The following LIN28B variants were observed in gnomAD, a reference collection of about 807,000 sequenced individuals.
LIN28B encodes lin-28 RNA binding posttranscriptional regulator B, also known as protein lin-28 homolog B.
Under a neutral mutation model 21.9 loss-of-function variants are expected in LIN28B, and 5 were observed. The observed-to-expected ratio is 0.23, with a 90% CI of 0.12 to 0.48. The LOEUF is 0.48. Among genes scored for constraint, LIN28B ranks in the 20% least tolerant of loss-of-function variants. The pLI is 0.98. For synonymous variants in LIN28B, 109 were observed against 111.3 expected (o/e 0.98, Z 0.13); for missense variants, 245 against 310.5 (o/e 0.79, Z 1.58).
At chr6:104,953,060 G>A (rs1778238846), upstream of LIN28B, among the ~76,000 whole-genome samples, 1 of 152,262 alleles carries the variant, frequency 6.6e-6, no homozygotes, top group African/African-American at 2.4e-5. Flanking sequence ...TTACCGCCAA[G>A]TGGTTTACCA....
chr6:105,024,068 A>G (rs1391069880), intron 2 of LIN28B, among the ~76,000 whole-genome samples: 1 of 152,026 alleles, frequency 6.6e-6, no homozygotes, highest in Non-Finnish European at 1.5e-5. Context: ...CGCTCACTGC[A>G]ACCTCCGCCT....
At chr6:104,960,561 T>TA (rs2114570824) in intron 2 of LIN28B, among the ~76,000 whole-genome samples, 1 of 152,214 alleles carries the variant, frequency 6.6e-6, no homozygotes, top group Non-Finnish European at 1.5e-5. Flanking sequence ...ATTTTTAAAA[T>TA]ATATGACATA....
chr6:105,015,933 G>A (rs529601304), intron 2 of LIN28B, among the ~76,000 whole-genome samples: 1 of 152,250 alleles, frequency 6.6e-6, no homozygotes, highest in South Asian at 2.1e-4. Flanking sequence ...TAGGCTTATA[G>A]TATACATCCT....
At chr6:105,038,569 A>G (rs1771570653) in intron 3 of LIN28B, among the ~76,000 whole-genome samples, 2 of 152,202 alleles carry the variant, frequency 1.3e-5, no homozygotes, top group South Asian at 4.1e-4. Context: ...CAAATCTTGT[A>G]CAAGTTTCTC....
rs902892713 is a variant in LIN28B at position 105,000,869 on chromosome 6, C to G, written c.199-25429C>G. 3.9e-5 allele frequency among the ~76,000 whole-genome samples: 6 copies of G among 152,150 alleles called. No individual in the cohort carries two copies. In the South Asian group the frequency reaches 1.2e-3, roughly 31 times the overall value. On this transcript the variant is annotated intron_variant, in intron 2 of 3. Coordinates refer to ENST00000345080, the MANE Select transcript of LIN28B (RefSeq NM_001004317.4). ...TATGACCAAGGTCACACTACTGATTCAAACTACCTTAGATGTTACTTTTGT... is the reference window on the plus strand; with the variant it reads ...TATGACCAAGGTCACACTACTGATTGAAACTACCTTAGATGTTACTTTTGT...
chr6:105,065,997 C>T (rs532312385), intron 3 of LIN28B, among the ~76,000 whole-genome samples: 1 of 152,242 alleles, frequency 6.6e-6, no homozygotes, highest in African/African-American at 2.4e-5. Flanking sequence ...CATAGTGAGA[C>T]CTCGTCTCCA....
At chr6:105,025,879 C>G (rs1365094817) in intron 2 of LIN28B, among the ~76,000 whole-genome samples, 1 of 151,648 alleles carries the variant, frequency 6.6e-6, no homozygotes, top group Non-Finnish European at 1.5e-5. Context: ...AATAAAACTT[C>G]TCTTAATGGC....
At position 105,026,300 on chromosome 6, in the gene LIN28B, C is replaced by A. The variant is rs759920340; in HGVS notation, c.201C>A (p.Ser67Arg). ...CCACCCTCTTCTGCTCTTTACAGAG[C>A]AAACTATTCATGGAAGGATTTAGAA... ...DIPVDVFVHQ[S>R]KLFMEGFRSL... The change falls in exon 3 of 4, where the codon AGC becomes AGA. Residue 67 changes from serine to arginine, a missense_variant and splice_region_variant. By Grantham distance (110) the Ser-to-Arg change is moderately radical. Coordinates refer to ENST00000345080, the MANE Select transcript of LIN28B (RefSeq NM_001004317.4). 2.5e-6 allele frequency: 4 copies of A among 1,587,020 alleles called. No individual in the cohort carries two copies. The highest frequency in any genetic ancestry group is 1.2e-5 in the South Asian group (1 of 85,992).
intron 2 of LIN28B, among the ~76,000 whole-genome samples, chr6:104,994,654 A>G (rs902666585): frequency 2.6e-5 from 4 of 152,194 alleles, no homozygotes; most frequent in Non-Finnish European, 4.4e-5. Flanking sequence ...GCCTTGTAAG[A>G]GAAGGGTCTT....
At chr6:104,986,788 C>G (rs999024256) in intron 2 of LIN28B, among the ~76,000 whole-genome samples, 1 of 152,136 alleles carries the variant, frequency 6.6e-6, no homozygotes, top group Non-Finnish European at 1.5e-5. Flanking sequence ...TTGTTGCAAT[C>G]CAAAACCAGT....
At chr6:105,005,114 C>T (rs1269369582) in intron 2 of LIN28B, among the ~76,000 whole-genome samples, 2 of 152,278 alleles carry the variant, frequency 1.3e-5, no homozygotes, top group South Asian at 2.1e-4. Flanking sequence ...TATGGAAATA[C>T]TTTTCCCTCC....
At chr6:105,037,082 A>G (rs1427409419) in intron 3 of LIN28B, among the ~76,000 whole-genome samples, 4 of 152,240 alleles carry the variant, frequency 2.6e-5, no homozygotes, top group Non-Finnish European at 4.4e-5. Context: ...CATGATTTAT[A>G]TCTGCTAACT....
intron 2 of LIN28B, among the ~76,000 whole-genome samples, chr6:104,986,876 A>G (rs527764016): frequency 1.1e-4 from 17 of 152,332 alleles, no homozygotes; most frequent in Middle Eastern, 3.4e-3. Flanking sequence ...CAACTCACCA[A>G]TCCGAGCTTG....
intron 3 of LIN28B, among the ~76,000 whole-genome samples, chr6:105,031,770 C>T (rs527361809): frequency 3.3e-5 from 5 of 152,134 alleles, no homozygotes; most frequent in East Asian, 3.9e-4. Flanking sequence ...CTCCTGACCT[C>T]GTGATCCGCC....
At chr6:105,043,423 C>G (rs1266022215) in intron 3 of LIN28B, among the ~76,000 whole-genome samples, 3 of 138,542 alleles carry the variant, frequency 2.2e-5, no homozygotes, top group African/African-American at 8.3e-5. Flanking sequence ...ATGAGTAAAA[C>G]TAAGCTCAGT....
chr6:105,073,724 T>C (rs1250071877), intron 3 of LIN28B, among the ~76,000 whole-genome samples: 1 of 152,210 alleles, frequency 6.6e-6, no homozygotes, highest in Non-Finnish European at 1.5e-5. Flanking sequence ...TGGATCTTCC[T>C]CTGTGGTATC....
At position 105,080,147 on chromosome 6, in the gene LIN28B, T is replaced by TA. The variant is rs1772514473; in HGVS notation, c.*1365dup. ...AGAATCTTCTCAGGTTGGTTCTCGT[T>TA]AGAGTGATAAACTGGCTAGGGGCCA... On this transcript the variant is annotated 3_prime_UTR_variant, in exon 4 of 4. Coordinates refer to ENST00000345080, the MANE Select transcript of LIN28B (RefSeq NM_001004317.4). The TA allele has an allele frequency of 6.6e-6, 1 of 152,442 alleles. No individual in the cohort carries two copies. The highest frequency in any genetic ancestry group is 1.5e-5 in the Non-Finnish European group (1 of 68,010). 9.4% of individuals were successfully genotyped at this position (152,442 alleles called of 1,614,324 possible).
Position 105,050,748 on chromosome 6 carries a change from A to G in LIN28B, c.383+24266A>G, listed in dbSNP as rs575100545. Among the ~76,000 whole-genome samples the G allele has an allele frequency of 6.4e-4, 97 of 150,668 alleles. 5 individuals carry two copies. Among genetic ancestry groups the G allele is most frequent in the African/African-American group, 2.3e-3 (93 of 40,668 alleles). On this transcript the variant is annotated intron_variant, in intron 3 of 3. Transcript: ENST00000345080. The stretch of plus-strand genomic sequence containing the variant: ...ATTTTACAATGTTTTACATCACTGT[A>G]TATTTTTGTATTATCAGGACAATGG...
intron 2 of LIN28B, among the ~76,000 whole-genome samples, chr6:104,988,452 T>A (rs1472275895): frequency 6.6e-6 from 1 of 151,630 alleles, no homozygotes; most frequent in Non-Finnish European, 1.5e-5. Flanking sequence ...TTTTTTTTTT[T>A]ACCTTAAACG....
Sources: gnomAD v4.1 joint callset for allele counts (sites outside exome capture counted in the v4.1 genomes callset) on GRCh38, gnomAD v4.1.1 for gene constraint, MANE v1.5 for transcripts, NCBI Gene and HGNC (gene_info 2026-07-23, HGNC 2026-07-21) for gene names.